Variants in DPP6 observed in about 807,000 individuals in gnomAD.
DPP6 encodes dipeptidyl peptidase like 6, also known as A-type potassium channel modulatory protein DPP6.
In DPP6, 69 loss-of-function variants were observed where a neutral mutation model predicts 122.6. The ratio of observed to expected loss-of-function variants is 0.56; its 90% CI spans 0.46 to 0.69. The LOEUF is 0.69. DPP6 is among the 30% of genes least tolerant of loss of function. DPP6 has a pLI of 0.00. For missense variants in DPP6, 928 were observed against 1,116.9 expected, an observed-to-expected ratio of 0.83 and a Z score of 2.41; for synonymous variants, 418 against 433.1, an observed-to-expected ratio of 0.97 and a Z score of 0.43.
chr7:154,397,284 A>G lies in DPP6; in HGVS notation c.244-48930A>G, dbSNP rs367635153. ...GAACTCTAGTATAAAGTGGCTTACC[A>G]GAATTATAAAAAGACTGCACATGTT... is the stretch of plus-strand genomic sequence containing the variant. On this transcript the variant is annotated intron_variant, in intron 1 of 25. Transcript: ENST00000377770. 3.0e-3 allele frequency among the ~76,000 whole-genome samples: 462 copies of G among 152,206 alleles called. 2 individuals carry two copies. Among genetic ancestry groups the G allele is most frequent in the African/African-American group, 0.01 (430 of 41,558 alleles).
chr7:154,748,495 A>G (rs1843143342), intron 8 of DPP6, among the ~76,000 whole-genome samples: 2 of 152,222 alleles, frequency 1.3e-5, no homozygotes, highest in Admixed American at 6.5e-5. Context: ...ACTGTTTGCC[A>G]ACACCCGCGG....
At chr7:154,074,213 G>A (rs1243929754) in intron 1 of DPP6, among the ~76,000 whole-genome samples, 1 of 151,462 alleles carries the variant, frequency 6.6e-6, no homozygotes, top group Admixed American at 6.6e-5. Context: ...CTCAACAGGT[G>A]CATGTCATAA....
chr7:153,841,103 A>G, the DPP6 span, among the ~76,000 whole-genome samples: 1 of 152,236 alleles, frequency 6.6e-6, no homozygotes, highest in Non-Finnish European at 1.5e-5. Context: ...GTCTCAGGCA[A>G]GAGTCACAGT....
At chr7:154,445,765 A>G (rs1317731908) in intron 1 of DPP6, among the ~76,000 whole-genome samples, 1 of 108,270 alleles carries the variant, frequency 9.2e-6, no homozygotes, top group African/African-American at 3.4e-5. Flanking sequence ...ATAGAAGTTG[A>G]TCACATGGAT....
At chr7:153,750,294 TGAGTA>T in the DPP6 span, among the ~76,000 whole-genome samples, 1 of 151,978 alleles carries the variant, frequency 6.6e-6, no homozygotes, top group South Asian at 2.1e-4. Context: ...CACTATGATT[TGAGTA>T]GTTATATGTT....
intron 3 of DPP6, among the ~76,000 whole-genome samples, chr7:154,509,221 C>T (rs114258607): frequency 0.015 from 2,264 of 152,180 alleles, 61 homozygotes; most frequent in African/African-American, 0.051. Flanking sequence ...AAAATATTTA[C>T]AAATAATTTA....
intron 3 of DPP6, among the ~76,000 whole-genome samples, chr7:154,532,985 G>C (rs1827964568): frequency 6.6e-6 from 1 of 152,104 alleles, no homozygotes; most frequent in African/African-American, 2.4e-5. Flanking sequence ...TCAGAAGAAA[G>C]GAATTTCCTT....
chr7:153,844,805 GACTT>G, the DPP6 span, among the ~76,000 whole-genome samples: 61 of 152,226 alleles, frequency 4.0e-4, no homozygotes, highest in African/African-American at 1.4e-3. Context: ...TATTTGATGT[GACTT>G]ACTATCAAGT....
At chr7:154,501,277 T>C (rs1015704851) in intron 3 of DPP6, among the ~76,000 whole-genome samples, 3 of 151,856 alleles carry the variant, frequency 2.0e-5, no homozygotes, top group Non-Finnish European at 2.9e-5. Flanking sequence ...TTTTCTGAGG[T>C]GAAATTCAAG....
At chr7:154,720,162 C>T (rs905812896) in intron 7 of DPP6, among the ~76,000 whole-genome samples, 16 of 152,124 alleles carry the variant, frequency 1.1e-4, no homozygotes, top group Non-Finnish European at 1.9e-4. Context: ...TAGATGCCAA[C>T]GAAAACAGAG....
At chr7:154,724,686 G>A (rs557405092) in intron 7 of DPP6, among the ~76,000 whole-genome samples, 25 of 152,044 alleles carry the variant, frequency 1.6e-4, no homozygotes, top group East Asian at 5.8e-4. Context: ...TGCCCCTCCT[G>A]TATGATTCCG....
At chr7:154,473,414 G>C (rs1293982824) in intron 2 of DPP6, among the ~76,000 whole-genome samples, 3 of 152,156 alleles carry the variant, frequency 2.0e-5, no homozygotes, top group Non-Finnish European at 1.5e-5. Flanking sequence ...AGGCCACCTT[G>C]AGTCACAGCA....
chr7:154,810,693 G>T (rs910652179), intron 16 of DPP6, among the ~76,000 whole-genome samples: 7 of 151,806 alleles, frequency 4.6e-5, no homozygotes, highest in Non-Finnish European at 7.4e-5. Flanking sequence ...GCCACACTGG[G>T]TCACACACAC....
In DPP6 at chr7:154,479,570, A is replaced by AAAAAG. The variant is rs1554563519; in HGVS notation, c.457+4548_457+4552dup. ...AAGACTCCATCTCAAAAAAAAAAAAAAAAAGAAAAGAAAAGAAAAAGAAAA... is the reference window on the plus strand; with the variant it reads ...AAGACTCCATCTCAAAAAAAAAAAAAAAAAGAAAAGAAAAGAAAAGAAAAAGAAAA... On this transcript the variant is annotated intron_variant, in intron 3 of 25. Coordinates refer to ENST00000377770, the MANE Select transcript of DPP6 (RefSeq NM_130797.4). Among the ~76,000 whole-genome samples, 601 of 101,490 alleles carry AAAAAG rather than the reference A, an allele frequency of 5.9e-3. 12 individuals are homozygous for AAAAAG. The highest frequency in any genetic ancestry group is 0.015 in the Middle Eastern group (3 of 198). The allele number at this position is 101,490 out of a possible 152,430, so 66.6% of individuals were successfully genotyped here. A position where few individuals can be genotyped will look rare whatever the true frequency, so the allele number is the denominator to read the frequency against.
chr7:154,093,502 AAT>A (rs1805040333), intron 1 of DPP6, among the ~76,000 whole-genome samples: 1 of 114,972 alleles, frequency 8.7e-6, no homozygotes, highest in Non-Finnish European at 1.8e-5. Flanking sequence ...CACACACACA[AAT>A]GCAAACACCA....
chr7:154,077,677 T>TTA lies in DPP6; in HGVS notation c.243+24615_243+24616insAT, dbSNP rs200792472. Among the ~76,000 whole-genome samples the TTA allele has an allele frequency of 9.4e-3, 809 of 85,982 alleles. 9 individuals carry two copies. The highest frequency in any genetic ancestry group is 0.028 in the African/African-American group (770 of 27,860). 56.4% of individuals were successfully genotyped at this position (85,982 alleles called of 152,430 possible). ...TAGATTTTATTTATTATTATTATTA[T>TTA]TTTTTTTTTTTTGAGACAGAGTCTC... On this transcript the variant is annotated intron_variant, in intron 1 of 25. Transcript: ENST00000377770.
At chr7:154,874,441 G>A (rs1804680136) in intron 19 of DPP6, among the ~76,000 whole-genome samples, 1 of 152,186 alleles carries the variant, frequency 6.6e-6, no homozygotes, top group African/African-American at 2.4e-5. Flanking sequence ...TTGCCTTGGA[G>A]GCTGTGTCTT....
intron 6 of DPP6, among the ~76,000 whole-genome samples, chr7:154,640,956 A>AT (rs971071484): frequency 2.8e-4 from 43 of 151,266 alleles, no homozygotes; most frequent in Admixed American, 1.6e-3. Flanking sequence ...TTATAGCTTG[A>AT]TTTTTTTTTC....
At chr7:154,082,364 C>T (rs1804079353) in intron 1 of DPP6, among the ~76,000 whole-genome samples, 2 of 152,046 alleles carry the variant, frequency 1.3e-5, no homozygotes, top group Admixed American at 6.5e-5. Context: ...AAACGAAATC[C>T]AGGGAAAGCT....
Sources: allele counts gnomAD v4.1 joint callset (sites outside exome capture counted in the v4.1 genomes callset), GRCh38; gene constraint gnomAD v4.1.1; transcripts MANE v1.5; gene names NCBI Gene and HGNC (gene_info 2026-07-23, HGNC 2026-07-21).